SWAP70: variants seen among roughly 807,000 people sequenced by gnomAD.
SWAP70 encodes the protein switching B cell complex subunit SWAP70, also known as switch-associated protein 70.
A neutral mutation model predicts 80.2 loss-of-function variants in SWAP70; 34 were observed. The observed-to-expected ratio is 0.42, with a 90% CI of 0.32 to 0.56. The LOEUF (loss-of-function observed/expected upper bound fraction) is 0.56, where lower values mean the gene tolerates loss of function less well. Ranked by LOEUF, SWAP70 falls within the 20% of genes least tolerant of loss-of-function variation. SWAP70 has a pLI of 0.09. For missense variants in SWAP70, 578 were observed against 690.7 expected (o/e 0.84, Z 1.83); for synonymous variants, 239 against 238.5 (o/e 1.00, Z -0.02).
intron 1 of SWAP70, among the ~76,000 whole-genome samples, chr11:9,685,165 G>A (rs1850615914): frequency 6.6e-6 from 1 of 151,336 alleles, no homozygotes; most frequent in African/African-American, 2.4e-5. Context: ...CGAGGCTGGA[G>A]TGCAGTAGCA....
intron 2 of SWAP70, among the ~76,000 whole-genome samples, chr11:9,705,775 G>C: frequency 7.6e-6 from 1 of 131,650 alleles, no homozygotes; most frequent in East Asian, 2.4e-4. Flanking sequence ...CTGGTGATCT[G>C]TGTATACTTG....
At chr11:9,676,650 T>A (rs1243745012) in intron 1 of SWAP70, among the ~76,000 whole-genome samples, 1 of 146,764 alleles carries the variant, frequency 6.8e-6, no homozygotes, top group South Asian at 2.1e-4. Flanking sequence ...TAGATGCAGT[T>A]TTTTTTTTTT....
intron 1 of SWAP70, among the ~76,000 whole-genome samples, chr11:9,671,805 AATATAAAT>A (rs1363317084): frequency 2.1e-4 from 19 of 92,312 alleles, no homozygotes; most frequent in East Asian, 3.6e-4. Flanking sequence ...AATATATATA[AATATAAAT>A]ATATAAATAT....
At chr11:9,700,519 T>C (rs982678595) in intron 2 of SWAP70, among the ~76,000 whole-genome samples, 2 of 152,252 alleles carry the variant, frequency 1.3e-5, no homozygotes, top group Non-Finnish European at 1.5e-5. Flanking sequence ...TATGCTGTCA[T>C]GTATACATAC....
intron 5 of SWAP70, among the ~76,000 whole-genome samples, chr11:9,728,511 TA>T (rs1157824050): frequency 6.6e-6 from 1 of 151,984 alleles, no homozygotes; most frequent in Non-Finnish European, 1.5e-5. Context: ...GATAATAAAG[TA>T]AAAAAAAGTT....
chr11:9,748,076 C>T lies in SWAP70; in HGVS notation c.1554+20C>T. On this transcript the variant is annotated intron_variant, in intron 10 of 11. Transcript: ENST00000318950. ...TACGAGGTAATGAGACTTGGCCCTG[C>T]AAACTTGTATATTTAAATTTTTGAA... 6.2e-7 allele frequency: 1 copy of T among 1,604,962 alleles called. No individual in the cohort carries two copies. The highest frequency in any genetic ancestry group is 1.1e-5 in the South Asian group (1 of 90,548).
At chr11:9,712,940 G>A (rs576706970) in intron 2 of SWAP70, among the ~76,000 whole-genome samples, 3 of 152,104 alleles carry the variant, frequency 2.0e-5, no homozygotes, top group South Asian at 4.2e-4. Flanking sequence ...CAGGTGATCC[G>A]CCTGCCTCGG....
intron 2 of SWAP70, among the ~76,000 whole-genome samples, chr11:9,700,057 C>T (rs10770057): frequency 0.35 from 52,837 of 151,790 alleles, 9,526 homozygotes; most frequent in African/African-American, 0.42. Flanking sequence ...TGAAGTGCTG[C>T]ACCCTACTAC....
At chr11:9,670,835 C>A (rs4347384) in intron 1 of SWAP70, among the ~76,000 whole-genome samples, 17,803 of 151,618 alleles carry the variant, frequency 0.12, 2,114 homozygotes, top group African/African-American at 0.3. Context: ...CTCACTGCAA[C>A]CTTCACCTCC....
chr11:9,715,729 G>A (rs1851058124), intron 3 of SWAP70, among the ~76,000 whole-genome samples: 1 of 152,116 alleles, frequency 6.6e-6, no homozygotes, highest in African/African-American at 2.4e-5. Flanking sequence ...GAACAGCACG[G>A]GAAAGACCTG....
intron 2 of SWAP70, among the ~76,000 whole-genome samples, chr11:9,712,512 A>G (rs1378955532): frequency 6.6e-6 from 1 of 151,798 alleles, no homozygotes; most frequent in Non-Finnish European, 1.5e-5. Flanking sequence ...TGGGCAATAT[A>G]GCAAGACCTC....
intron 1 of SWAP70, among the ~76,000 whole-genome samples, chr11:9,678,326 T>C (rs1046127306): frequency 1.3e-5 from 2 of 152,062 alleles, no homozygotes; most frequent in African/African-American, 4.8e-5. Flanking sequence ...TATGTAGATA[T>C]CACCAAAATA....
At chr11:9,710,789 T>A (rs1426137985) in intron 2 of SWAP70, among the ~76,000 whole-genome samples, 1 of 151,790 alleles carries the variant, frequency 6.6e-6, no homozygotes, top group Non-Finnish European at 1.5e-5. Context: ...AAGCAATCCT[T>A]CTGCCTGACC....
rs895809333 is a variant in SWAP70 at position 9,675,380 on chromosome 11, A to C, written c.99+11102A>C. 4.4e-3 allele frequency among the ~76,000 whole-genome samples: 410 copies of C among 93,046 alleles called. 55 individuals carry two copies. Among genetic ancestry groups the C allele is most frequent in the South Asian group, 0.015 (28 of 1,908 alleles). 61.0% of individuals were successfully genotyped at this position (93,046 alleles called of 152,430 possible). A position where few individuals can be genotyped will look rare whatever the true frequency, so the allele number is the denominator to read the frequency against. ...GAGAGAGAGAGAGAGAGAGAGAGAG[A>C]GAGAGAGAGAGAGAGAGAGAGAGAG... On this transcript the variant is annotated intron_variant, in intron 1 of 11. Transcript: ENST00000318950.
At position 9,752,103 on chromosome 11, in the gene SWAP70, A is replaced by G. The variant is rs535983024; in HGVS notation, c.*2133A>G. The G allele has an allele frequency of 1.3e-5, 2 of 152,334 alleles. No individual in the cohort carries two copies. Among genetic ancestry groups the G allele is most frequent in the East Asian group, 3.9e-4 (2 of 5,192 alleles). The allele number at this position is 152,334 out of a possible 1,614,324, so 9.4% of individuals were successfully genotyped here. A position where few individuals can be genotyped will look rare whatever the true frequency, so the allele number is the denominator to read the frequency against. Reference sequence around the variant, plus strand: ...GAACCTAATCACCTCTGTGAAATCTATGGGATGGAAACAGTGTGGCCTTAG... The same window carrying G: ...GAACCTAATCACCTCTGTGAAATCTGTGGGATGGAAACAGTGTGGCCTTAG... On this transcript the variant is annotated 3_prime_UTR_variant, in exon 12 of 12. Coordinates refer to ENST00000318950, the MANE Select transcript of SWAP70 (RefSeq NM_015055.4).
Position 9,737,700 on chromosome 11 carries a change from A to G in SWAP70, c.1081-513A>G, listed in dbSNP as rs560224224. Among the ~76,000 whole-genome samples the G allele has an allele frequency of 2.6e-5, 4 of 152,308 alleles. No individual in the cohort carries two copies. In the South Asian group the frequency reaches 8.3e-4, roughly 32 times the overall value. The stretch of plus-strand genomic sequence containing the variant: ...ATCACGAGGTCAAGAGATCGACACT[A>G]TCCTGGCCAACATGATGAAACCCCG... On this transcript the variant is annotated intron_variant, in intron 7 of 11. Transcript: ENST00000318950.
At chr11:9,672,195 C>CTATGTATGTATATATATATA (rs530619499) in intron 1 of SWAP70, among the ~76,000 whole-genome samples, 3 of 78,438 alleles carry the variant, frequency 3.8e-5, no homozygotes, top group Non-Finnish European at 7.0e-5. Flanking sequence ...ATGTGTGTGT[C>CTATGTATGTATATATATATA]TATATATATA....
intron 9 of SWAP70, among the ~76,000 whole-genome samples, chr11:9,745,910 G>A (rs535895604): frequency 6.6e-6 from 1 of 152,316 alleles, no homozygotes; most frequent in African/African-American, 2.4e-5. Context: ...AGAAAGGCAG[G>A]TGACCAGGCC....
intron 2 of SWAP70, among the ~76,000 whole-genome samples, chr11:9,706,655 A>G (rs1044828284): frequency 3.9e-5 from 6 of 152,124 alleles, no homozygotes; most frequent in African/African-American, 1.4e-4. Flanking sequence ...TCATATATGT[A>G]TATCTTAATG....
Sources: allele counts gnomAD v4.1 joint callset (sites outside exome capture counted in the v4.1 genomes callset), GRCh38; gene constraint gnomAD v4.1.1; transcripts MANE v1.5; gene names NCBI Gene and HGNC (gene_info 2026-07-23, HGNC 2026-07-21).